TAF15: variants seen among roughly 807,000 people sequenced by gnomAD.
The protein encoded by TAF15 is TATA-binding protein-associated factor 2N.
TAF15 carries 37 observed loss-of-function variants against 102.5 expected under a neutral mutation model. The ratio of observed to expected loss-of-function variants is 0.36; its 90% CI spans 0.28 to 0.47. The LOEUF is 0.47. Among genes scored for constraint, TAF15 ranks in the 20% least tolerant of loss-of-function variants. The pLI is 0.99. For synonymous variants in TAF15, 273 were observed against 259.2 expected, an observed-to-expected ratio of 1.05 and a Z score of -0.51; for missense variants, 652 against 760.7, an observed-to-expected ratio of 0.86 and a Z score of 1.68.
intron 2 of TAF15, among the ~76,000 whole-genome samples, chr17:35,819,728 C>T (rs2087237693): frequency 6.6e-6 from 1 of 152,212 alleles, no homozygotes; most frequent in Non-Finnish European, 1.5e-5. Context: ...CACACCCAAG[C>T]ATAATTCTCT....
intron 15 of TAF15, 42 bp downstream of exon 15, chr17:35,845,080 C>T (rs371965655): frequency 8.6e-5 from 139 of 1,609,860 alleles, no homozygotes; most frequent in Middle Eastern, 3.5e-4. Context: ...TACCTCACTG[C>T]ACCTAGATTG....
In TAF15 at chr17:35,820,339, A is replaced by G. The variant is rs1286991257; in HGVS notation, c.192A>G (p.Ser64=). 6.2e-7 allele frequency: 1 copy of G among 1,614,028 alleles called. No homozygotes were observed. Among genetic ancestry groups the G allele is most frequent in the Non-Finnish European group, 8.5e-7 (1 of 1,179,930 alleles). ...TACTCATCTAATCTTTAGGTTATTC[A>G]CAGTCCTATGGTGGTTATGAGAATC... ...SSYGQSQSGY[S]QSYGGYENQK... The change falls in exon 5 of 16, where the codon TCA becomes TCG. Residue 64 remains serine, a synonymous_variant. Coordinates refer to ENST00000605844, the MANE Select transcript of TAF15 (RefSeq NM_139215.3).
Position 35,844,730 on chromosome 17 carries a change from T to C in TAF15, c.1431T>C (p.Gly477=), listed in dbSNP as rs144917137. The C allele has an allele frequency of 1.5e-5, 24 of 1,591,962 alleles. No individual in the cohort carries two copies. The highest frequency in any genetic ancestry group is 8.9e-5 in the South Asian group (8 of 89,754). The change falls in exon 15 of 16, where the codon GGT becomes GGC. Residue 477 remains glycine (G), a synonymous_variant. Coordinates refer to ENST00000605844, the MANE Select transcript of TAF15 (RefSeq NM_139215.3). ...RGGGYGGDRG[G]GYGGDRGGYG... is the part of the protein sequence containing the mutation. ...GCGGCTATGGAGGAGACCGAGGAGG[T>C]GGCTATGGAGGAGATCGAGGTGGCT...
intron 11 of TAF15, among the ~76,000 whole-genome samples, chr17:35,841,257 C>T (rs556647883): frequency 6.6e-6 from 1 of 152,338 alleles, no homozygotes; most frequent in Non-Finnish European, 1.5e-5. Context: ...TCCCAGTGAT[C>T]TTGTGTCCCC....
chr17:35,826,179 C>T (rs894908047), intron 7 of TAF15, among the ~76,000 whole-genome samples: 1 of 152,056 alleles, frequency 6.6e-6, no homozygotes, highest in Non-Finnish European at 1.5e-5. Context: ...CTTTAATACC[C>T]CTTAATACAA....
chr17:35,814,328 C>T (rs988771572), intron 1 of TAF15, among the ~76,000 whole-genome samples: 1 of 151,954 alleles, frequency 6.6e-6, no homozygotes, highest in African/African-American at 2.4e-5. Flanking sequence ...ACCACCACGT[C>T]CGGCTAATTT....
chr17:35,813,004 G>T (rs2087144329), intron 1 of TAF15, among the ~76,000 whole-genome samples: 1 of 150,874 alleles, frequency 6.6e-6, no homozygotes, highest in Admixed American at 6.6e-5. Flanking sequence ...GCGGGAACCT[G>T]TAATCCCAGA....
Position 35,842,476 on chromosome 17 carries a change from G to C in TAF15, c.1006+17G>C, listed in dbSNP as rs558922143. The stretch of plus-strand genomic sequence containing the variant: ...GGCGGCGAGGTAAGATCCTTGCTGC[G>C]TACAGTCCTGGATACTATCCAAGGG... On this transcript the variant is annotated intron_variant, in intron 12 of 15. Transcript: ENST00000605844. The C allele has an allele frequency of 1.9e-6, 3 of 1,586,862 alleles. No individual in the cohort carries two copies. Among genetic ancestry groups the C allele is most frequent in the South Asian group, 1.1e-5 (1 of 90,350 alleles).
At chr17:35,836,296 A>G in intron 10 of TAF15, 55 bp downstream of exon 10, 2 of 1,274,232 alleles carry the variant, frequency 1.6e-6, no homozygotes, top group South Asian at 1.2e-5. Context: ...TGATTACAAT[A>G]CATAGACTAT....
At chr17:35,816,687 A>T (rs1357591778) in intron 1 of TAF15, 1 of 152,234 alleles carries the variant, frequency 6.6e-6, no homozygotes, top group African/African-American at 2.4e-5. Context: ...GACTCTGAGT[A>T]AAGCCTGAAG....
At position 35,825,825 on chromosome 17, in the gene TAF15, G is replaced by A. The variant is rs1396364011; in HGVS notation, c.605+1627G>A. Among the ~76,000 whole-genome samples, 3 of 152,128 alleles carry A rather than the reference G, an allele frequency of 2.0e-5. No homozygotes were observed. The East Asian group carries it at 5.8e-4, about 29-fold the overall frequency. On this transcript the variant is annotated intron_variant, in intron 7 of 15. Coordinates refer to ENST00000605844, the MANE Select transcript of TAF15 (RefSeq NM_139215.3). ...TAGCCAGACGTGGTGGCAGGCGCCTGTAGTCGTAGTCCGAACTACTCAGGA... is the reference window on the plus strand; with the variant it reads ...TAGCCAGACGTGGTGGCAGGCGCCTATAGTCGTAGTCCGAACTACTCAGGA...
chr17:35,838,076 G>A (rs369781844), intron 10 of TAF15, among the ~76,000 whole-genome samples: 3 of 152,144 alleles, frequency 2.0e-5, no homozygotes, highest in East Asian at 1.9e-4. Context: ...CCAGCTACTC[G>A]GGAGGCTGAG....
At chr17:35,817,316 T>G in intron 1 of TAF15, 1 of 197,004 alleles carries the variant, frequency 5.1e-6, no homozygotes, top group Non-Finnish European at 1.0e-5. Flanking sequence ...TATCTTGGGG[T>G]GGTAAGGATG....
intron 1 of TAF15, among the ~76,000 whole-genome samples, chr17:35,813,922 T>C (rs1598516218): frequency 6.6e-6 from 1 of 152,214 alleles, no homozygotes; most frequent in African/African-American, 2.4e-5. Context: ...AGCTGGAAAA[T>C]AATGAAATTA....
intron 7 of TAF15, among the ~76,000 whole-genome samples, chr17:35,825,010 G>A (rs2087308605): frequency 1.3e-5 from 2 of 152,082 alleles, no homozygotes; most frequent in Non-Finnish European, 2.9e-5. Flanking sequence ...CAGGCTAAAA[G>A]GTAATTTATG....
intron 9 of TAF15, among the ~76,000 whole-genome samples, chr17:35,835,042 C>T (rs574752147): frequency 4.3e-4 from 66 of 152,170 alleles, no homozygotes; most frequent in Non-Finnish European, 7.8e-4. Flanking sequence ...CCACGCCCGG[C>T]TGGGGAGCTT....
At chr17:35,826,218 T>G (rs1260330246) in intron 7 of TAF15, among the ~76,000 whole-genome samples, 1 of 152,240 alleles carries the variant, frequency 6.6e-6, no homozygotes, top group Non-Finnish European at 1.5e-5. Flanking sequence ...AATATCTAGT[T>G]GGTCCAAATG....
intron 2 of TAF15, among the ~76,000 whole-genome samples, chr17:35,819,025 C>T (rs2087227714): frequency 6.6e-6 from 1 of 152,142 alleles, no homozygotes; most frequent in Non-Finnish European, 1.5e-5. Flanking sequence ...GTGGGCTTCT[C>T]TTACCAAAAT....
intron 1 of TAF15, among the ~76,000 whole-genome samples, chr17:35,814,886 A>T (rs1212190376): frequency 1.3e-5 from 2 of 150,796 alleles, no homozygotes; most frequent in Non-Finnish European, 2.9e-5. Context: ...ATATATATGT[A>T]TATATATAAA....
Sources: allele counts gnomAD v4.1 joint callset (sites outside exome capture counted in the v4.1 genomes callset), GRCh38; gene constraint gnomAD v4.1.1; transcripts MANE v1.5; gene names NCBI Gene and HGNC (gene_info 2026-07-23, HGNC 2026-07-21).